Variants in PDE7B observed in about 807,000 individuals in gnomAD.
The protein encoded by PDE7B is 3',5'-cyclic-AMP phosphodiesterase 7B.
Under a neutral mutation model 56.2 loss-of-function variants are expected in PDE7B, and 29 were observed. That is an observed-to-expected ratio of 0.52 (90% CI 0.38 to 0.70). The LOEUF (loss-of-function observed/expected upper bound fraction) is 0.70. PDE7B is among the 30% of genes least tolerant of loss of function. The probability of loss-of-function intolerance (pLI) is 0.00; values close to 1 mark genes in which losing one functional copy is unlikely to be tolerated. For missense variants in PDE7B, 490 were observed against 565.0 expected (o/e 0.87, Z 1.35); for synonymous variants, 197 against 196.9 (o/e 1.00, Z 0.00).
intron 2 of PDE7B, among the ~76,000 whole-genome samples, chr6:135,987,138 T>G (rs2128204786): frequency 6.6e-6 from 1 of 152,324 alleles, no homozygotes; most frequent in Admixed American, 6.5e-5. Context: ...AAAGTGATCC[T>G]TAACTTTGAG....
chr6:136,065,796 A>G (rs1048581794), intron 2 of PDE7B, among the ~76,000 whole-genome samples: 6 of 152,244 alleles, frequency 3.9e-5, no homozygotes, highest in Admixed American at 6.5e-5. Context: ...GATTAGGCAT[A>G]AATTTCAGAA....
At chr6:135,867,624 C>G (rs571079142) in intron 1 of PDE7B, among the ~76,000 whole-genome samples, 37 of 152,246 alleles carry the variant, frequency 2.4e-4, no homozygotes, top group Middle Eastern at 3.4e-3. Context: ...CACTGTTCCC[C>G]TCTTAAATGG....
At chr6:135,975,014 G>A (rs1232442324) in intron 2 of PDE7B, among the ~76,000 whole-genome samples, 1 of 152,084 alleles carries the variant, frequency 6.6e-6, no homozygotes, top group Non-Finnish European at 1.5e-5. Flanking sequence ...TTCAATACAA[G>A]AGACAGTGAT....
intron 2 of PDE7B, among the ~76,000 whole-genome samples, chr6:136,079,462 G>T (rs1777172799): frequency 1.3e-5 from 2 of 151,986 alleles, no homozygotes; most frequent in African/African-American, 4.8e-5. Context: ...CATTTCAATG[G>T]CTCCAGAGTA....
intron 11 of PDE7B, 27 bp from the exon 12 acceptor site, chr6:136,187,009 T>A (rs745940357): frequency 8.1e-7 from 1 of 1,240,312 alleles, no homozygotes; most frequent in Admixed American, 1.7e-5. Context: ...TACCAATGTG[T>A]TTTTTTCTTT....
At chr6:135,918,392 A>G (rs1342244) in intron 1 of PDE7B, among the ~76,000 whole-genome samples, 108,046 of 152,138 alleles carry the variant, frequency 0.71, 38,806 homozygotes, top group East Asian at 0.85. Flanking sequence ...TTATTTTGTC[A>G]TGGCTGGGAA....
chr6:136,064,970 A>C (rs1471970899), intron 2 of PDE7B, among the ~76,000 whole-genome samples: 5 of 152,246 alleles, frequency 3.3e-5, no homozygotes, highest in African/African-American at 9.6e-5. Context: ...AAATGCAAGT[A>C]ACAGAGTCCA....
intron 1 of PDE7B, among the ~76,000 whole-genome samples, chr6:135,891,967 A>G (rs1038055705): frequency 2.6e-5 from 4 of 152,132 alleles, no homozygotes; most frequent in Admixed American, 1.3e-4. Context: ...CACATGGTCT[A>G]TAGTTGGTAC....
chr6:136,087,650 C>G (rs1214028244), intron 2 of PDE7B, among the ~76,000 whole-genome samples: 1 of 152,168 alleles, frequency 6.6e-6, no homozygotes, highest in African/African-American at 2.4e-5. Context: ...TCCTACTTTT[C>G]AGTATGCTAA....
intron 2 of PDE7B, among the ~76,000 whole-genome samples, chr6:136,085,084 C>A (rs531319086): frequency 1.3e-5 from 2 of 152,158 alleles, no homozygotes; most frequent in Non-Finnish European, 2.9e-5. Context: ...CTGGGATGAA[C>A]GTTCCAGGGT....
chr6:135,995,143 A>C (rs756160296), intron 2 of PDE7B, among the ~76,000 whole-genome samples: 5 of 152,118 alleles, frequency 3.3e-5, no homozygotes, highest in Non-Finnish European at 5.9e-5. Context: ...CTTTGGTCAC[A>C]CAAATCCTAC....
At chr6:135,852,418 G>T (rs2128182912) in intron 1 of PDE7B, among the ~76,000 whole-genome samples, 1 of 152,238 alleles carries the variant, frequency 6.6e-6, no homozygotes, top group South Asian at 2.1e-4. Flanking sequence ...AAAGGGATTG[G>T]TAAGGTTTGT....
chr6:136,078,378 A>G (rs975339576), intron 2 of PDE7B, among the ~76,000 whole-genome samples: 15 of 152,182 alleles, frequency 9.9e-5, no homozygotes, highest in African/African-American at 2.7e-4. Context: ...TTAAAGGGCA[A>G]AAGTGCCTAT....
At chr6:135,896,640 GA>G (rs1047738001) in intron 1 of PDE7B, among the ~76,000 whole-genome samples, 2 of 151,934 alleles carry the variant, frequency 1.3e-5, no homozygotes, top group South Asian at 2.1e-4. Context: ...TTTTACAGAT[GA>G]AAAAAAGGAG....
At chr6:136,008,403 C>T (rs559415630) in intron 2 of PDE7B, among the ~76,000 whole-genome samples, 8 of 152,306 alleles carry the variant, frequency 5.3e-5, no homozygotes, top group South Asian at 2.1e-4. Context: ...CCTGAGGAAT[C>T]GCCACACTGA....
chr6:136,027,212 T>G (rs1776167681), intron 2 of PDE7B, among the ~76,000 whole-genome samples: 2 of 152,248 alleles, frequency 1.3e-5, no homozygotes, highest in Admixed American at 1.3e-4. Flanking sequence ...TATGGCACTT[T>G]GTTATAGCAG....
intron 1 of PDE7B, among the ~76,000 whole-genome samples, chr6:135,859,025 A>G (rs1417163246): frequency 6.6e-6 from 1 of 151,678 alleles, no homozygotes; most frequent in African/African-American, 2.4e-5. Flanking sequence ...TTCTGTTTGG[A>G]TATGATTTAT....
In PDE7B at chr6:136,194,504, A is replaced by T. The variant is rs1418368495; in HGVS notation, c.*2664A>T. On this transcript the variant is annotated 3_prime_UTR_variant, in exon 13 of 13. Coordinates refer to ENST00000308191, the MANE Select transcript of PDE7B (RefSeq NM_018945.4). ...CAACTGGGGAGTTCTTGAGTTCCTC[A>T]TTTGTTGGTAAAAAGAAAAAGAATG... 1 of 152,196 alleles carries T rather than the reference A, an allele frequency of 6.6e-6. No individual in the cohort carries two copies. Among genetic ancestry groups the T allele is most frequent in the African/African-American group, 2.4e-5 (1 of 41,448 alleles). 9.4% of individuals were successfully genotyped at this position (152,196 alleles called of 1,614,324 possible). A position where few individuals can be genotyped will look rare whatever the true frequency, so the allele number is the denominator to read the frequency against.
intron 1 of PDE7B, among the ~76,000 whole-genome samples, chr6:135,914,919 C>T (rs1002440237): frequency 1.3e-5 from 2 of 151,622 alleles, no homozygotes; most frequent in African/African-American, 4.8e-5. Context: ...ATGGTGAAAG[C>T]TCATCTCTAC....
Sources: allele counts gnomAD v4.1 joint callset (sites outside exome capture counted in the v4.1 genomes callset), GRCh38; gene constraint gnomAD v4.1.1; transcripts MANE v1.5; gene names NCBI Gene and HGNC (gene_info 2026-07-23, HGNC 2026-07-21).